The following ADGRG2 variants were observed in gnomAD, a reference collection of about 807,000 sequenced individuals.
ADGRG2 encodes G protein-coupled receptor 64.
A neutral mutation model predicts 74.1 loss-of-function variants in ADGRG2; 26 were observed. The observed-to-expected ratio is 0.35, with a 90% CI of 0.26 to 0.49. The LOEUF (loss-of-function observed/expected upper bound fraction) is 0.49. ADGRG2 is among the 20% of genes least tolerant of loss of function. The pLI is 0.99. For synonymous variants in ADGRG2, 296 were observed against 295.2 expected, an observed-to-expected ratio of 1.00 and a Z score of -0.03; for missense variants, 619 against 763.1, an observed-to-expected ratio of 0.81 and a Z score of 2.22.
At chrX:19,069,969 C>T (rs149478265) in intron 2 of ADGRG2, among the ~76,000 whole-genome samples, 68 of 112,230 alleles carry the variant, frequency 6.1e-4, no homozygotes, top group African/African-American at 2.2e-3. Context: ...TAAAAGAATG[C>T]GCGGTAACAC....
chrX:18,991,045 T>C lies in ADGRG2; in HGVS notation c.2873A>G (p.Asn958Ser), dbSNP rs1227645334. Reference sequence around the variant, plus strand: ...GACCCCATTCCTCTCTGTAGAAGCATTTCCTGTATAAGGAAACACAAAGCG... The same window carrying C: ...GACCCCATTCCTCTCTGTAGAAGCACTTCCTGTATAAGGAAACACAAAGCG... ...DCSVHASGNG[N>S]ASTERNGVSF... Residue 958 changes from asparagine (N) to serine (S), a missense_variant, in exon 29 of 29, where the codon AAT (asparagine) becomes AGT (serine). Physicochemically the swap from Asn to Ser is conservative, Grantham distance 46 (BLOSUM62 1). Transcript: ENST00000379869. 6 of 1,163,860 alleles carry C rather than the reference T, an allele frequency of 5.2e-6. No individual in the cohort carries two copies. Among genetic ancestry groups the C allele is most frequent in the Non-Finnish European group, 4.6e-6 (4 of 864,835 alleles).
chrX:19,091,428 A>G (rs1455437858), intron 1 of ADGRG2, among the ~76,000 whole-genome samples: 1 of 109,613 alleles, frequency 9.1e-6, no homozygotes, highest in Non-Finnish European at 1.9e-5. Context: ...GGTCTGAGCA[A>G]TTCAGTAAAA....
chrX:19,086,831 G>A (rs2061942601), intron 1 of ADGRG2, among the ~76,000 whole-genome samples: 1 of 111,733 alleles, frequency 8.9e-6, no homozygotes, highest in East Asian at 2.8e-4. Context: ...ATTCATTAGT[G>A]ACCTAGACCG....
At chrX:19,089,947 A>G (rs2061991280) in intron 1 of ADGRG2, among the ~76,000 whole-genome samples, 2 of 112,234 alleles carry the variant, frequency 1.8e-5, no homozygotes, top group Admixed American at 1.9e-4. Flanking sequence ...GAAAAAACTA[A>G]CTTATACACC....
chrX:19,025,334 T>C (rs1242057357), intron 11 of ADGRG2, among the ~76,000 whole-genome samples: 1 of 111,254 alleles, frequency 9.0e-6, no homozygotes, highest in Admixed American at 9.6e-5. Context: ...AATACTGATT[T>C]GTTATGGAGC....
intron 15 of ADGRG2, among the ~76,000 whole-genome samples, chrX:19,019,135 G>T (rs181775401): frequency 8.9e-6 from 1 of 111,967 alleles, no homozygotes; most frequent in African/African-American, 3.2e-5. Flanking sequence ...GTAAGCCACC[G>T]TGCCCGGCTA....
intron 1 of ADGRG2, among the ~76,000 whole-genome samples, chrX:19,086,699 G>A (rs1365319591): frequency 3.6e-5 from 4 of 111,092 alleles, no homozygotes; most frequent in Non-Finnish European, 7.6e-5. Flanking sequence ...GGTAACAGCA[G>A]CCCCAGGCAG....
intron 1 of ADGRG2, among the ~76,000 whole-genome samples, chrX:19,107,641 T>TG (rs113627191): frequency 0.14 from 11,904 of 86,799 alleles, 1,838 homozygotes; most frequent in African/African-American, 0.52. Context: ...TTTTTTGTTT[T>TG]TTTTTTTTTT....
chrX:19,113,198 C>T (rs772160578), intron 1 of ADGRG2, among the ~76,000 whole-genome samples: 222 of 107,632 alleles, frequency 2.1e-3, no homozygotes, highest in African/African-American at 7.4e-3. Context: ...GCCAACATGG[C>T]AAAACCCCAT....
chrX:19,038,282 A>G (rs985348823), intron 4 of ADGRG2, among the ~76,000 whole-genome samples: 1 of 112,262 alleles, frequency 8.9e-6, no homozygotes, highest in African/African-American at 3.2e-5. Flanking sequence ...TAAACATGGG[A>G]AAAGCAAACA....
At chrX:19,009,879 C>G in intron 17 of ADGRG2, 97 bp from the exon 18 acceptor site, 1 of 617,594 alleles carries the variant, frequency 1.6e-6, no homozygotes, top group East Asian at 3.8e-5. Flanking sequence ...GGCGTGATCT[C>G]GGCTCACTGC....
intron 1 of ADGRG2, among the ~76,000 whole-genome samples, chrX:19,107,411 G>A (rs1205494519): frequency 8.9e-6 from 1 of 112,413 alleles, no homozygotes; most frequent in Non-Finnish European, 1.9e-5. Flanking sequence ...TTAGCTGAGA[G>A]GAGACAGAGA....
chrX:19,050,729 A>T (rs953717899), intron 3 of ADGRG2, among the ~76,000 whole-genome samples: 2 of 111,251 alleles, frequency 1.8e-5, no homozygotes, highest in Admixed American at 9.5e-5. Context: ...CTCTAAAAAA[A>T]TTTTTTTTAA....
chrX:18,993,310 A>G (rs1232921107), intron 28 of ADGRG2, among the ~76,000 whole-genome samples: 1 of 110,893 alleles, frequency 9.0e-6, no homozygotes, highest in Non-Finnish European at 1.9e-5. Flanking sequence ...ATTCCACAAA[A>G]AAGAATTATC....
chrX:19,030,636 T>A (rs184037875), intron 9 of ADGRG2, among the ~76,000 whole-genome samples: 1 of 112,324 alleles, frequency 8.9e-6, no homozygotes, highest in East Asian at 2.8e-4. Flanking sequence ...CAGATTTCTA[T>A]ATAAGAAGTG....
chrX:19,060,538 T>C (rs2061472718), intron 3 of ADGRG2, among the ~76,000 whole-genome samples: 1 of 88,483 alleles, frequency 1.1e-5, no homozygotes, highest in Admixed American at 1.3e-4. Context: ...AGGAGGCAGG[T>C]ATTCTTTTTT....
At chrX:19,118,139 C>G (rs1246630149) in intron 1 of ADGRG2, among the ~76,000 whole-genome samples, 1 of 111,264 alleles carries the variant, frequency 9.0e-6, no homozygotes, top group African/African-American at 3.3e-5. Flanking sequence ...AGCCTAGCCA[C>G]TAAAGCAAGA....
chrX:19,033,738 G>A (rs2080994877), intron 7 of ADGRG2, 84 bp from the exon 8 acceptor site: 2 of 468,028 alleles, frequency 4.3e-6, no homozygotes, highest in Non-Finnish European at 7.6e-6. Flanking sequence ...TTTTAGTGAA[G>A]TGCTAAAAAA....
chrX:19,099,679 G>A (rs760386292), intron 1 of ADGRG2, among the ~76,000 whole-genome samples: 1 of 111,940 alleles, frequency 8.9e-6, no homozygotes, highest in South Asian at 3.7e-4. Flanking sequence ...AGCTCGTCAC[G>A]CTAAAAACCT....
Sources: allele counts gnomAD v4.1 joint callset (sites outside exome capture counted in the v4.1 genomes callset), GRCh38; gene constraint gnomAD v4.1.1; transcripts MANE v1.5; gene names NCBI Gene and HGNC (gene_info 2026-07-23, HGNC 2026-07-21).